The following EML6 variants were observed in gnomAD, a reference collection of about 807,000 sequenced individuals.
EML6 encodes the protein EMAP like 6, also known as echinoderm microtubule-associated protein-like 6.
Under a neutral mutation model 240.1 loss-of-function variants are expected in EML6, and 154 were observed. The observed-to-expected ratio is 0.64, with a 90% CI of 0.56 to 0.73. EML6 has a LOEUF of 0.73. Ranked by LOEUF, EML6 falls within the 30% of genes least tolerant of loss-of-function variation. The pLI is 0.00. For synonymous variants in EML6, 1,148 were observed against 899.0 expected (o/e 1.28, Z -4.95); for missense variants, 2,964 against 2,474.6 (o/e 1.20, Z -4.20).
intron 5 of EML6, among the ~76,000 whole-genome samples, chr2:54,827,311 A>G (rs779460981): frequency 6.6e-6 from 1 of 152,252 alleles, no homozygotes; most frequent in Non-Finnish European, 1.5e-5. Context: ...TCACCATTAA[A>G]CAATGAGCAA....
In EML6 at chr2:54,869,121, C is replaced by A. The variant is rs926227642; in HGVS notation, c.2052-60C>A. The A allele has an allele frequency of 5.0e-6, 6 of 1,197,998 alleles. No individual in the cohort carries two copies. The South Asian group carries it at 8.7e-5, about 17-fold the overall frequency. The allele number at this position is 1,197,998 out of a possible 1,614,324, so 74.2% of individuals were successfully genotyped here. A position where few individuals can be genotyped will look rare whatever the true frequency, so the allele number is the denominator to read the frequency against. Reference sequence around the variant, plus strand: ...TATGTTAGCCTTGCCTCTGACACCTCCTGCTCCATGCATTTGCTGTTTGTT... The same window carrying A: ...TATGTTAGCCTTGCCTCTGACACCTACTGCTCCATGCATTTGCTGTTTGTT... On this transcript the variant is annotated intron_variant, in intron 14 of 41. Coordinates refer to ENST00000356458, the MANE Select transcript of EML6 (RefSeq NM_001039753.4).
intron 21 of EML6, among the ~76,000 whole-genome samples, chr2:54,897,384 G>A (rs6718267): frequency 0.34 from 51,662 of 152,056 alleles, 9,099 homozygotes; most frequent in Middle Eastern, 0.39. Flanking sequence ...CACCTACTCT[G>A]TGTCAGGCAA....
At chr2:54,948,041 G>A (rs548092683) in intron 28 of EML6, among the ~76,000 whole-genome samples, 68 of 152,160 alleles carry the variant, frequency 4.5e-4, no homozygotes, top group Non-Finnish European at 1.3e-4. Context: ...CATATCCCGG[G>A]AGCAATAACT....
At chr2:54,930,986 C>T (rs1373868481) in intron 28 of EML6, among the ~76,000 whole-genome samples, 1 of 120,988 alleles carries the variant, frequency 8.3e-6, no homozygotes, top group Non-Finnish European at 1.6e-5. Flanking sequence ...GAGACGGAGT[C>T]TCGCTCTGTC....
intron 28 of EML6, among the ~76,000 whole-genome samples, chr2:54,929,742 G>A (rs1375097083): frequency 6.6e-6 from 1 of 151,746 alleles, no homozygotes; most frequent in Non-Finnish European, 1.5e-5. Context: ...TAAATTCAGT[G>A]CCAGATGTTA....
chr2:54,836,281 G>A (rs1669137647), intron 7 of EML6, among the ~76,000 whole-genome samples: 2 of 152,218 alleles, frequency 1.3e-5, no homozygotes, highest in Non-Finnish European at 2.9e-5. Flanking sequence ...TAGCCTGGGT[G>A]GGTTTCCTCC....
chr2:54,793,534 C>T (rs918168861), intron 2 of EML6, among the ~76,000 whole-genome samples: 4 of 152,058 alleles, frequency 2.6e-5, no homozygotes, highest in Non-Finnish European at 4.4e-5. Flanking sequence ...ACACTAAATC[C>T]TGTCGAACTT....
At chr2:54,768,467 T>C (rs912965458) in intron 2 of EML6, among the ~76,000 whole-genome samples, 43 of 152,334 alleles carry the variant, frequency 2.8e-4, no homozygotes, top group African/African-American at 1.0e-3. Flanking sequence ...GTTTTCAGGG[T>C]GGCAGGCAAC....
At chr2:54,803,898 G>A (rs1007006856) in intron 2 of EML6, among the ~76,000 whole-genome samples, 13 of 152,206 alleles carry the variant, frequency 8.5e-5, no homozygotes, top group Non-Finnish European at 1.9e-4. Context: ...GGCACCATCT[G>A]AGATGTTTGA....
rs1558557002 is a variant in EML6, at chr2:54,797,179, A to AAAAAAAAAAAC, written c.198-16052_198-16042dup. On this transcript the variant is annotated intron_variant, in intron 2 of 41. Coordinates refer to ENST00000356458, the MANE Select transcript of EML6 (RefSeq NM_001039753.4). ...GACTCCATCTCAAAAAAAAAAAAAA[A>AAAAAAAAAAAC]AAAAAAAAAACTGTGATCTTGTAGG... Among the ~76,000 whole-genome samples, 3 of 146,906 alleles carry AAAAAAAAAAAC rather than the reference A, an allele frequency of 2.0e-5. 1 individual carries two copies. Among genetic ancestry groups the AAAAAAAAAAAC allele is most frequent in the South Asian group, 2.1e-4 (1 of 4,662 alleles).
At chr2:54,969,358 T>C (rs912701045) in intron 41 of EML6, among the ~76,000 whole-genome samples, 9 of 152,128 alleles carry the variant, frequency 5.9e-5, no homozygotes, top group Non-Finnish European at 1.0e-4. Flanking sequence ...TACTTCCTGG[T>C]GGTCTGAGTT....
rs188386558 is a variant in EML6, at chr2:54,878,007, T to C, written c.2345-1540T>C. ...TAGCAATTGAGATGGGGTTGCCAGA[T>C]TAAGCCAACAAAATTTTAGGAAGCT... is the stretch of plus-strand genomic sequence containing the variant. On this transcript the variant is annotated intron_variant, in intron 16 of 41. Transcript: ENST00000356458. Among the ~76,000 whole-genome samples, 446 of 152,344 alleles carry C rather than the reference T, an allele frequency of 2.9e-3. 2 individuals carry two copies. Among genetic ancestry groups the C allele is most frequent in the Non-Finnish European group, 2.5e-3 (173 of 68,028 alleles).
chr2:54,918,723 A>G (rs921861247), intron 26 of EML6, among the ~76,000 whole-genome samples: 2 of 152,206 alleles, frequency 1.3e-5, no homozygotes, highest in Non-Finnish European at 2.9e-5. Context: ...CCCCCTGTAC[A>G]GTCATTTATC....
intron 2 of EML6, among the ~76,000 whole-genome samples, chr2:54,812,746 A>T (rs1667912073): frequency 6.6e-6 from 1 of 152,196 alleles, no homozygotes; most frequent in Non-Finnish European, 1.5e-5. Flanking sequence ...CAGAAACAGC[A>T]CATGACTCTG....
intron 35 of EML6, among the ~76,000 whole-genome samples, chr2:54,960,777 G>T (rs549256893): frequency 2.6e-5 from 4 of 152,246 alleles, no homozygotes; most frequent in Middle Eastern, 3.4e-3. Flanking sequence ...CAAAGCCATT[G>T]GTTTCCAACT....
intron 13 of EML6, 150 bp downstream of exon 13, chr2:54,864,039 G>C (rs1002276529): frequency 5.8e-5 from 31 of 530,738 alleles, no homozygotes; most frequent in Non-Finnish European, 9.6e-5. Context: ...TTTAAGTGCA[G>C]GTTAAAACCG....
chr2:54,833,883 A>G (rs1412330694), intron 7 of EML6, among the ~76,000 whole-genome samples: 2 of 152,232 alleles, frequency 1.3e-5, no homozygotes, highest in Non-Finnish European at 2.9e-5. Flanking sequence ...TTTCTAAATA[A>G]CTAATTCGGC....
chr2:54,883,784 G>C (rs1292550630), intron 17 of EML6, among the ~76,000 whole-genome samples: 2 of 152,186 alleles, frequency 1.3e-5, no homozygotes, highest in South Asian at 2.1e-4. Flanking sequence ...TTTAACAAGT[G>C]TGTATAAGAA....
At chr2:54,958,219 T>G (rs1676325907) in intron 33 of EML6, among the ~76,000 whole-genome samples, 2 of 152,040 alleles carry the variant, frequency 1.3e-5, no homozygotes, top group African/African-American at 2.4e-5. Flanking sequence ...TGAGACAGAG[T>G]CTTGCTCTGT....
Sources: gnomAD v4.1 joint callset for allele counts (sites outside exome capture counted in the v4.1 genomes callset) on GRCh38, gnomAD v4.1.1 for gene constraint, MANE v1.5 for transcripts, NCBI Gene and HGNC (gene_info 2026-07-23, HGNC 2026-07-21) for gene names.